Variants in PAX7 observed in about 807,000 individuals in gnomAD.
PAX7 encodes paired box 7.
A neutral mutation model predicts 50.7 loss-of-function variants in PAX7; 18 were observed. The ratio of observed to expected loss-of-function variants is 0.36; its 90% CI spans 0.25 to 0.53. The LOEUF (loss-of-function observed/expected upper bound fraction) is 0.53. Among genes scored for constraint, PAX7 ranks in the 20% least tolerant of loss-of-function variants. The pLI, the probability that PAX7 is intolerant of heterozygous loss-of-function variation, is 0.93. For synonymous variants in PAX7, 310 were observed against 290.4 expected (o/e 1.07, Z -0.69); for missense variants, 644 against 702.9 (o/e 0.92, Z 0.95).
intron 5 of PAX7, 54 bp downstream of exon 5, chr1:18,692,007 G>A: frequency 1.9e-6 from 3 of 1,546,560 alleles, no homozygotes; most frequent in Non-Finnish European, 2.6e-6. Flanking sequence ...AGATTCAGAA[G>A]TTTGGGATGG....
chr1:18,650,934 T>G (rs1237103071), intron 4 of PAX7, among the ~76,000 whole-genome samples: 1 of 152,168 alleles, frequency 6.6e-6, no homozygotes, highest in Non-Finnish European at 1.5e-5. Context: ...TTTGTCCTAC[T>G]GTCCCCAACT....
intron 1 of PAX7, among the ~76,000 whole-genome samples, chr1:18,633,973 A>C (rs961616679): frequency 6.6e-6 from 1 of 151,866 alleles, no homozygotes; most frequent in Non-Finnish European, 1.5e-5. Flanking sequence ...TCTCATCTTC[A>C]TCTCTCTCCC....
At chr1:18,657,777 C>T (rs117224341) in intron 4 of PAX7, among the ~76,000 whole-genome samples, 2 of 152,270 alleles carry the variant, frequency 1.3e-5, no homozygotes, top group East Asian at 1.9e-4. Context: ...TCTCTCTCCC[C>T]TTCCCCTTCT....
intron 7 of PAX7, among the ~76,000 whole-genome samples, chr1:18,718,276 G>A (rs1570221087): frequency 2.0e-5 from 3 of 152,172 alleles, no homozygotes; most frequent in African/African-American, 7.2e-5. Context: ...TGCTCAGAGC[G>A]GGGTGCCAGC....
chr1:18,744,075 G>A (rs1053462375), intron 8 of PAX7, among the ~76,000 whole-genome samples: 5 of 152,256 alleles, frequency 3.3e-5, no homozygotes, highest in Non-Finnish European at 5.9e-5. Flanking sequence ...AGCTCCCTGC[G>A]TATCTGTGTC....
intron 5 of PAX7, among the ~76,000 whole-genome samples, chr1:18,693,153 G>A (rs2089100216): frequency 1.3e-5 from 2 of 152,126 alleles, no homozygotes; most frequent in Admixed American, 1.3e-4. Flanking sequence ...AGAGGGGAAA[G>A]ATCCCCATTA....
rs1010934600 is a variant in PAX7 at position 18,631,608 on chromosome 1, C to A, written c.5C>A (p.Ala2Glu). The A allele has an allele frequency of 9.3e-6, 15 of 1,611,698 alleles. No homozygotes were observed. The highest frequency in any genetic ancestry group is 1.3e-5 in the Non-Finnish European group (15 of 1,179,398). Reference sequence around the variant, plus strand: ...TCGTCCCCGGCGTGCGCAAGAATGGCGGCCCTTCCCGGCACGGTACCGAGA... The same window carrying A: ...TCGTCCCCGGCGTGCGCAAGAATGGAGGCCCTTCCCGGCACGGTACCGAGA... Reference protein sequence around the residue: MAALPGTVPRMM... With the variant: MEALPGTVPRMM... Residue 2 changes from alanine (A) to glutamate (E), a missense_variant, in exon 1 of 9, where the codon GCG (alanine) becomes GAG (glutamate). Coordinates refer to ENST00000420770, the MANE Select transcript of PAX7 (RefSeq NM_001135254.2).
At chr1:18,656,698 AG>A (rs143429712) in intron 4 of PAX7, among the ~76,000 whole-genome samples, 3 of 151,778 alleles carry the variant, frequency 2.0e-5, no homozygotes, top group Middle Eastern at 3.2e-3. Context: ...CATAAAAAAA[AG>A]GGGGGGATAA....
At chr1:18,676,219 T>G (rs1194192428) in intron 4 of PAX7, among the ~76,000 whole-genome samples, 7 of 152,100 alleles carry the variant, frequency 4.6e-5, no homozygotes, top group Admixed American at 4.6e-4. Context: ...ACATTCGTCC[T>G]CAAACAATGG....
chr1:18,696,769 G>A (rs576557316), intron 5 of PAX7, among the ~76,000 whole-genome samples: 2 of 152,214 alleles, frequency 1.3e-5, no homozygotes, highest in African/African-American at 4.8e-5. Flanking sequence ...TGGGAGGTGA[G>A]GGGAGAAGTG....
At chr1:18,705,170 C>CACATGGAAT (rs1050083559) in intron 7 of PAX7, among the ~76,000 whole-genome samples, 1 of 152,228 alleles carries the variant, frequency 6.6e-6, no homozygotes, top group African/African-American at 2.4e-5. Flanking sequence ...CTAAACCCTG[C>CACATGGAAT]ACATGGAATA....
intron 7 of PAX7, among the ~76,000 whole-genome samples, chr1:18,732,081 T>C (rs1455162665): frequency 6.6e-6 from 1 of 152,236 alleles, no homozygotes; most frequent in Admixed American, 6.5e-5. Context: ...AAAGCTCCCC[T>C]GCCTCGTCTT....
At chr1:18,667,824 G>T (rs1265153030) in intron 4 of PAX7, among the ~76,000 whole-genome samples, 3 of 152,050 alleles carry the variant, frequency 2.0e-5, no homozygotes, top group Non-Finnish European at 2.9e-5. Context: ...GTTGATGAAG[G>T]TCCAATCTTT....
chr1:18,700,208 G>A lies in PAX7; in HGVS notation c.787-445G>A, dbSNP rs1185826420. Among the ~76,000 whole-genome samples the A allele has an allele frequency of 6.6e-6, 1 of 151,940 alleles. No homozygotes were observed. The highest frequency in any genetic ancestry group is 1.5e-5 in the Non-Finnish European group (1 of 67,986). On this transcript the variant is annotated intron_variant, in intron 5 of 8. Coordinates refer to ENST00000420770, the MANE Select transcript of PAX7 (RefSeq NM_001135254.2). This position sits in a 1 kb window ranked among gnomAD's most constrained non-coding sequence, Gnocchi z 4.8. ...CGGCTTGCACATCTGGGTCTGAAGT[G>A]CAGGTCTCATTCAGGTGGGTTGCAG...
At position 18,634,228 on chromosome 1, in the gene PAX7, G is replaced by C. The variant is rs4920523; in HGVS notation, c.86-75G>C. The C allele has an allele frequency of 0.36, 427,664 of 1,201,080 alleles. 81,264 individuals carry two copies. Among genetic ancestry groups the C allele is most frequent in the Middle Eastern group, 0.46 (2,418 of 5,224 alleles). The allele number at this position is 1,201,080 out of a possible 1,614,324, so 74.4% of individuals were successfully genotyped here. A position where few individuals can be genotyped will look rare whatever the true frequency, so the allele number is the denominator to read the frequency against. On this transcript the variant is annotated intron_variant, in intron 1 of 8. Transcript: ENST00000420770. This position sits in a 1 kb window ranked among gnomAD's most constrained non-coding sequence, Gnocchi z 4.0. Reference sequence around the variant, plus strand: ...GCTCAAACAAACAAAACTGGAGTCAGGGAGTGTACTCAGTGTCTGCTCTCC... The same window carrying C: ...GCTCAAACAAACAAAACTGGAGTCACGGAGTGTACTCAGTGTCTGCTCTCC...
intron 8 of PAX7, among the ~76,000 whole-genome samples, chr1:18,739,342 G>A (rs575191483): frequency 2.3e-3 from 350 of 152,340 alleles, no homozygotes; most frequent in Non-Finnish European, 4.4e-3. Context: ...TCACATGCAT[G>A]TGCATATGGA....
chr1:18,645,603 G>A (rs2088326747), intron 4 of PAX7, among the ~76,000 whole-genome samples: 1 of 152,316 alleles, frequency 6.6e-6, no homozygotes, highest in South Asian at 2.1e-4. Context: ...GAGGTCTTTC[G>A]GTGACTGGAG....
At chr1:18,662,761 A>T (rs1013849103) in intron 4 of PAX7, among the ~76,000 whole-genome samples, 2 of 152,038 alleles carry the variant, frequency 1.3e-5, no homozygotes, top group Non-Finnish European at 2.9e-5. Flanking sequence ...TTTAGTAGAG[A>T]TGGGGTTTCA....
At chr1:18,679,116 C>A (rs2088862765) in intron 4 of PAX7, among the ~76,000 whole-genome samples, 1 of 152,226 alleles carries the variant, frequency 6.6e-6, no homozygotes, top group Non-Finnish European at 1.5e-5. Context: ...TCTCTGTGGC[C>A]TTCACACCCA....
Sources: allele counts gnomAD v4.1 joint callset (sites outside exome capture counted in the v4.1 genomes callset), GRCh38; gene constraint gnomAD v4.1.1; non-coding constraint Gnocchi (gnomAD v3.1); transcripts MANE v1.5; gene names NCBI Gene and HGNC (gene_info 2026-07-23, HGNC 2026-07-21).